The following JHY variants were observed in gnomAD, a reference collection of about 807,000 sequenced individuals.
JHY encodes jhy protein homolog.
Under a neutral mutation model 78.0 loss-of-function variants are expected in JHY, and 69 were observed. The observed-to-expected ratio is 0.88, with a 90% CI of 0.73 to 1.08. The LOEUF (loss-of-function observed/expected upper bound fraction) is 1.08. Ranked by LOEUF, JHY falls within the 50% of genes least tolerant of loss-of-function variation. The pLI is 0.00. For synonymous variants in JHY, 368 were observed against 342.6 expected, an observed-to-expected ratio of 1.07 and a Z score of -0.82; for missense variants, 944 against 927.8, an observed-to-expected ratio of 1.02 and a Z score of -0.23.
At chr11:122,891,687 A>T (rs1358518127) in intron 2 of JHY, among the ~76,000 whole-genome samples, 6 of 152,188 alleles carry the variant, frequency 3.9e-5, no homozygotes, top group African/African-American at 1.2e-4. Flanking sequence ...TGCTTTATAT[A>T]TACAATCTCA....
At position 122,898,490 on chromosome 11, in the gene JHY, A is replaced by C; in HGVS notation, c.345-5435A>C. The stretch of plus-strand genomic sequence containing the variant: ...TTCCCTTAACATTGTTCCAAGGAAA[A>C]AAAACTGAAGACTCACAACAAACAT... On this transcript the variant is annotated intron_variant, in intron 2 of 8. Transcript: ENST00000227349. This position sits in a 1 kb window ranked among gnomAD's most constrained non-coding sequence, Gnocchi z 4.4. Among the ~76,000 whole-genome samples, 1 of 152,190 alleles carries C rather than the reference A, an allele frequency of 6.6e-6. No individual in the cohort carries two copies. Among genetic ancestry groups the C allele is most frequent in the East Asian group, 1.9e-4 (1 of 5,192 alleles).
At chr11:122,955,101 C>T (rs1157363079) in intron 6 of JHY, among the ~76,000 whole-genome samples, 1 of 152,160 alleles carries the variant, frequency 6.6e-6, no homozygotes, top group Admixed American at 6.5e-5. Flanking sequence ...AGTAGCGAGT[C>T]TAAACTTCAG....
intron 4 of JHY, among the ~76,000 whole-genome samples, chr11:122,926,202 A>AAG (rs1555054821): frequency 1.1e-5 from 1 of 89,596 alleles, no homozygotes; most frequent in African/African-American, 3.2e-5. Flanking sequence ...AAAAAAAAAA[A>AAG]AAAAGAAAAA....
chr11:122,889,774 T>C (rs1862570350), intron 2 of JHY, among the ~76,000 whole-genome samples: 1 of 152,198 alleles, frequency 6.6e-6, no homozygotes, highest in Admixed American at 6.5e-5. Flanking sequence ...TTTGTTTGTT[T>C]TGGAGACAGA....
chr11:122,906,653 A>G (rs1189977247), intron 3 of JHY, among the ~76,000 whole-genome samples: 1 of 152,216 alleles, frequency 6.6e-6, no homozygotes, highest in Non-Finnish European at 1.5e-5. Flanking sequence ...AAATAGTTTT[A>G]TTTCCAATAA....
intron 6 of JHY, among the ~76,000 whole-genome samples, chr11:122,953,628 GA>G (rs904001623): frequency 6.6e-6 from 1 of 150,850 alleles, no homozygotes; most frequent in African/African-American, 2.4e-5. Context: ...GAAATGAAAT[GA>G]AAAAATAAGA....
At chr11:122,926,283 G>GAGAC (rs59462208) in intron 4 of JHY, among the ~76,000 whole-genome samples, 1 of 151,676 alleles carries the variant, frequency 6.6e-6, no homozygotes, top group Non-Finnish European at 1.5e-5. Flanking sequence ...CGTGTATGTG[G>GAGAC]ACCCTTGGAC....
At chr11:122,885,119 A>G (rs985003540) in intron 1 of JHY, among the ~76,000 whole-genome samples, 3 of 151,696 alleles carry the variant, frequency 2.0e-5, no homozygotes, top group Non-Finnish European at 4.4e-5. Context: ...AATCGTTATT[A>G]TGGGTTTTAA....
chr11:122,882,901 G>A lies in JHY; in HGVS notation c.-161G>A, dbSNP rs1309189768. ...GCAGCGCCGGGGCGGGCGGGGGCCC[G>A]GGCGGCGGCGGCGGCGGCGCGGGAG... On this transcript the variant is annotated 5_prime_UTR_variant, in exon 1 of 9. Coordinates refer to ENST00000227349, the MANE Select transcript of JHY (RefSeq NM_024806.4). 2 of 151,804 alleles carry A rather than the reference G, an allele frequency of 1.3e-5. No individual in the cohort carries two copies. The highest frequency in any genetic ancestry group is 2.9e-5 in the Non-Finnish European group (2 of 67,842). 9.4% of individuals were successfully genotyped at this position (151,804 alleles called of 1,614,324 possible).
In JHY at chr11:122,962,058, A is replaced by G. The variant is rs1307732297; in HGVS notation, c.*2613A>G. On this transcript the variant is annotated 3_prime_UTR_variant, in exon 9 of 9. Transcript: ENST00000227349. ...TTTCACACACACAAAAATAGATAAG[A>G]CAAAAGCATTCCATAGTTTACTACT... is the stretch of plus-strand genomic sequence containing the variant. Among the ~76,000 whole-genome samples, 1 of 152,288 alleles carries G rather than the reference A, an allele frequency of 6.6e-6. No homozygotes were observed. Among genetic ancestry groups the G allele is most frequent in the Non-Finnish European group, 1.5e-5 (1 of 68,052 alleles).
rs775905544 is a variant in JHY at position 122,963,595 on chromosome 11, CCT to C, written c.*4151_*4152del. Among the ~76,000 whole-genome samples, 8 of 151,992 alleles carry C rather than the reference CCT, an allele frequency of 5.3e-5. No individual in the cohort carries two copies. Among genetic ancestry groups the C allele is most frequent in the Non-Finnish European group, 1.2e-4 (8 of 67,954 alleles). ...GGGAGTGACAGACACGTTTTTTGCT[CCT>C]GTTTTAAAGTAAATTGTACTAATGA... is the stretch of plus-strand genomic sequence containing the variant. On this transcript the variant is annotated 3_prime_UTR_variant, in exon 9 of 9. Transcript: ENST00000227349.
At chr11:122,918,577 C>T (rs1863284549) in intron 3 of JHY, among the ~76,000 whole-genome samples, 3 of 151,412 alleles carry the variant, frequency 2.0e-5, no homozygotes, top group Non-Finnish European at 4.4e-5. Context: ...AAGATGGGAA[C>T]AAGGGAGAGT....
At chr11:122,941,555 C>G (rs907782536) in intron 5 of JHY, among the ~76,000 whole-genome samples, 2 of 152,132 alleles carry the variant, frequency 1.3e-5, no homozygotes, top group Non-Finnish European at 2.9e-5. Flanking sequence ...TTTTTCCTCC[C>G]TCTATATTCT....
chr11:122,959,186 T>G, intron 8 of JHY, 62 bp from the exon 9 acceptor site: 5 of 1,525,284 alleles, frequency 3.3e-6, no homozygotes, highest in Non-Finnish European at 4.4e-6. Context: ...TTTCCTAGAT[T>G]TAATTTAAGG....
chr11:122,915,287 C>A (rs913112973), intron 3 of JHY, among the ~76,000 whole-genome samples: 1 of 152,116 alleles, frequency 6.6e-6, no homozygotes, highest in African/African-American at 2.4e-5. Context: ...CGGTCATTTT[C>A]TGCTGCTGTC....
chr11:122,891,648 T>C (rs765602341), intron 2 of JHY, among the ~76,000 whole-genome samples: 3 of 152,144 alleles, frequency 2.0e-5, no homozygotes, highest in Non-Finnish European at 4.4e-5. Context: ...GGAATATTTA[T>C]ATAATTAGCT....
At position 122,904,261 on chromosome 11, in the gene JHY, G is replaced by A. The variant is rs1056698079; in HGVS notation, c.681G>A (p.Pro227=). The A allele has an allele frequency of 8.7e-6, 14 of 1,614,140 alleles. No individual in the cohort carries two copies. The Admixed American group carries it at 1.2e-4, about 13-fold the overall frequency. ...DLEEKSSSLS[P]YVKSSSSHNE... ...AGGAGAAGTCGAGCAGCCTTTCTCC[G>A]TACGTGAAGAGCTCAAGTTCACATA... Residue 227 remains proline, a synonymous_variant, in exon 3 of 9, where the codon CCG becomes CCA. Coordinates refer to ENST00000227349, the MANE Select transcript of JHY (RefSeq NM_024806.4).
rs1863300568 is a variant in JHY at position 122,919,204 on chromosome 11, T to C, written c.865-5693T>C. ...CCGTCTCTACTAAAATTACAAAAAA[T>C]TAGCCAGGCATGGTGGTGCACGCCT... On this transcript the variant is annotated intron_variant, in intron 3 of 8. Coordinates refer to ENST00000227349, the MANE Select transcript of JHY (RefSeq NM_024806.4). Among the ~76,000 whole-genome samples, 3 of 151,638 alleles carry C rather than the reference T, an allele frequency of 2.0e-5. No homozygotes were observed. In the East Asian group the frequency reaches 5.8e-4, roughly 30 times the overall value.
Position 122,891,822 on chromosome 11 carries a change from C to A in JHY, c.344+5629C>A, listed in dbSNP as rs145990673. Among the ~76,000 whole-genome samples, 8 of 152,138 alleles carry A rather than the reference C, an allele frequency of 5.3e-5. No individual in the cohort carries two copies. The East Asian group carries it at 1.4e-3, about 26-fold the overall frequency. On this transcript the variant is annotated intron_variant, in intron 2 of 8. Coordinates refer to ENST00000227349, the MANE Select transcript of JHY (RefSeq NM_024806.4). ...ATAGTAGAGCCAGAAATTAAATTGACCTCTCTCCAAACGCTAAAGCCTGAG... is the reference window on the plus strand; with the variant it reads ...ATAGTAGAGCCAGAAATTAAATTGAACTCTCTCCAAACGCTAAAGCCTGAG...
Sources: gnomAD v4.1 joint callset for allele counts (sites outside exome capture counted in the v4.1 genomes callset) on GRCh38, gnomAD v4.1.1 for gene constraint, Gnocchi (gnomAD v3.1) non-coding constraint, MANE v1.5 for transcripts, NCBI Gene and HGNC (gene_info 2026-07-23, HGNC 2026-07-21) for gene names.